KCTD19: variants seen among roughly 807,000 people sequenced by gnomAD.
The protein encoded by KCTD19 is BTB/POZ domain-containing protein KCTD19.
Under a neutral mutation model 103.5 loss-of-function variants are expected in KCTD19, and 67 were observed. The observed-to-expected ratio is 0.65, with a 90% CI of 0.53 to 0.79. The LOEUF is 0.79. KCTD19 is among the 30% of genes least tolerant of loss of function. KCTD19 has a pLI of 0.00. For synonymous variants in KCTD19, 439 were observed against 452.2 expected (o/e 0.97, Z 0.37); for missense variants, 980 against 1,136.1 (o/e 0.86, Z 1.98).
At chr16:67,295,495 A>G in intron 8 of KCTD19, 90 bp from the exon 9 acceptor site, 3 of 1,238,252 alleles carry the variant, frequency 2.4e-6, no homozygotes, top group Non-Finnish European at 2.3e-6. Context: ...TTTTCCAACT[A>G]CACTAGAGCA....
rs762910080 is a variant in KCTD19, at chr16:67,290,923, C to A, written c.2629G>T (p.Asp877Tyr). ...TACAGGCGCTCCTGGGTGTGCCGGT[C>A]ATCCTTGAAGCCGGTGATGGCCAGC... ...DLLAITGFKD[D>Y]RHTQERLYSW... Residue 877 changes from aspartate (D) to tyrosine (Y), a missense_variant, in exon 15 of 16, where the codon GAC becomes TAC. Physicochemically the swap from Asp to Tyr is radical, Grantham distance 160 (BLOSUM62 -3). Transcript: ENST00000304372. 5.5e-5 allele frequency: 88 copies of A among 1,613,970 alleles called. No individual in the cohort carries two copies. Among genetic ancestry groups the A allele is most frequent in the Non-Finnish European group, 7.4e-5 (87 of 1,180,022 alleles).
intron 2 of KCTD19, among the ~76,000 whole-genome samples, chr16:67,308,131 C>T (rs529875579): frequency 3.0e-4 from 45 of 150,518 alleles, no homozygotes; most frequent in Admixed American, 1.8e-3. Flanking sequence ...TCCTTCCTCC[C>T]TCCCTCCCAT....
Position 67,289,595 on chromosome 16 carries a change from G to T in KCTD19, c.2755C>A (p.Leu919Met), listed in dbSNP as rs2036645923. ...GLSRSVSYSILGKYLQED is the reference protein window; with the variant it reads ...GLSRSVSYSIMGKYLQED Reference sequence around the variant, plus strand: ...TAGTCCTCTTGTAGGTACTTTCCCAGGATGGAGTAAGAGACAGACCTAGAC... The same window carrying T: ...TAGTCCTCTTGTAGGTACTTTCCCATGATGGAGTAAGAGACAGACCTAGAC... The change falls in exon 16 of 16, where the codon CTG becomes ATG. Residue 919 changes from leucine (L) to methionine (M), a missense_variant. By Grantham distance (15) the Leu-to-Met change is conservative (BLOSUM62 2). Transcript: ENST00000304372. 2 of 1,613,480 alleles carry T rather than the reference G, an allele frequency of 1.2e-6. No individual in the cohort carries two copies. Among genetic ancestry groups the T allele is most frequent in the African/African-American group, 2.7e-5 (2 of 74,922 alleles).
At chr16:67,315,344 T>G (rs1210898772) in intron 2 of KCTD19, among the ~76,000 whole-genome samples, 4 of 151,676 alleles carry the variant, frequency 2.6e-5, no homozygotes, top group African/African-American at 9.7e-5. Flanking sequence ...CTCACTCTGT[T>G]GCCCAGGCTG....
At chr16:67,314,256 C>T (rs995276897) in intron 2 of KCTD19, among the ~76,000 whole-genome samples, 5 of 150,652 alleles carry the variant, frequency 3.3e-5, no homozygotes, top group African/African-American at 1.2e-4. Context: ...CCCTCTCTTC[C>T]CTTCCCTTCC....
intron 8 of KCTD19, chr16:67,295,739 G>A (rs2036757485): frequency 3.0e-6 from 1 of 338,702 alleles, no homozygotes; most frequent in African/African-American, 2.1e-5. Context: ...CGGTCCACTT[G>A]TGCTCTGTTT....
At chr16:67,298,509 C>T (rs2142506242) in intron 6 of KCTD19, among the ~76,000 whole-genome samples, 1 of 152,262 alleles carries the variant, frequency 6.6e-6, no homozygotes, top group East Asian at 1.9e-4. Flanking sequence ...ATCTCAGTCA[C>T]TGTGTTGCAG....
intron 2 of KCTD19, among the ~76,000 whole-genome samples, chr16:67,307,832 T>C (rs1277337256): frequency 6.6e-6 from 1 of 152,194 alleles, no homozygotes; most frequent in Non-Finnish European, 1.5e-5. Context: ...AAATACACAA[T>C]ATATTATTAT....
chr16:67,294,459 A>C, intron 11 of KCTD19, 121 bp downstream of exon 11: 2 of 737,872 alleles, frequency 2.7e-6, no homozygotes, highest in Non-Finnish European at 4.6e-6. Flanking sequence ...CTAGGAACCC[A>C]TGTAGGCTCT....
intron 10 of KCTD19, 77 bp from the exon 11 acceptor site, chr16:67,294,771 T>C (rs2036745446): frequency 8.8e-7 from 1 of 1,141,558 alleles, no homozygotes; most frequent in Non-Finnish European, 1.3e-6. Context: ...GATCTGCTCT[T>C]TGGCTGGGAG....
At chr16:67,298,740 AC>A (rs1270921705) in intron 6 of KCTD19, among the ~76,000 whole-genome samples, 2 of 152,214 alleles carry the variant, frequency 1.3e-5, no homozygotes, top group Non-Finnish European at 2.9e-5. Context: ...ACCCACTTCT[AC>A]CTTCCATTTT....
chr16:67,303,037 G>A lies in KCTD19; in HGVS notation c.643+109C>T. The A allele has an allele frequency of 9.6e-7, 1 of 1,039,260 alleles. No homozygotes were observed. The highest frequency in any genetic ancestry group is 1.4e-6 in the Non-Finnish European group (1 of 703,046). The allele number at this position is 1,039,260 out of a possible 1,614,324, so 64.4% of individuals were successfully genotyped here. ...GCTTCCGCTACCTCTGCCCAGGGAA[G>A]CTCCTGAGGCCCTGAGCACCAAGCT... On this transcript the variant is annotated intron_variant, in intron 4 of 15. Coordinates refer to ENST00000304372, the MANE Select transcript of KCTD19 (RefSeq NM_001100915.3). The surrounding 1 kb of genome is among the most constrained non-coding windows in gnomAD (Gnocchi z 4.3).
rs1221683449 is a variant in KCTD19, at chr16:67,295,002, TGA to T, written c.1444_1445del (p.Ser482ArgfsTer7). ...EVEEYHIPSL[S>X]EALAQCEAYK... ...ATGCTTCACATTGTGCAAGGGCTTC[TGA>T]GAGGGATGGAATGTGGTATTCCTCC... On this transcript the variant is annotated frameshift_variant, in exon 10 of 16. Transcript: ENST00000304372. LOFTEE classifies it high-confidence loss of function. 9 of 1,613,982 alleles carry T rather than the reference TGA, an allele frequency of 5.6e-6. No homozygotes were observed. Among genetic ancestry groups the T allele is most frequent in the Non-Finnish European group, 7.6e-6 (9 of 1,179,830 alleles).
rs74507704 is a variant in KCTD19, at chr16:67,323,891, C to CAA, written c.3+2812_3+2813dup. ...TGTGAATTATATCTCAATAGATCTA[C>CAA]AAAAAAAAAAAAAGATGAGGTACTG... On this transcript the variant is annotated intron_variant, in intron 1 of 15. Coordinates refer to ENST00000304372, the MANE Select transcript of KCTD19 (RefSeq NM_001100915.3). This position sits in a 1 kb window ranked among gnomAD's most constrained non-coding sequence, Gnocchi z 4.1. 6.3e-5 allele frequency among the ~76,000 whole-genome samples: 8 copies of CAA among 126,028 alleles called. No homozygotes were observed. Among genetic ancestry groups the CAA allele is most frequent in the Non-Finnish European group, 1.0e-4 (6 of 58,346 alleles). 82.7% of individuals were successfully genotyped at this position (126,028 alleles called of 152,430 possible).
In KCTD19 at chr16:67,289,568, C is replaced by G. The variant is rs2036644919; in HGVS notation, c.*1G>C. 2 of 1,601,588 alleles carry G rather than the reference C, an allele frequency of 1.2e-6. No homozygotes were observed. Among genetic ancestry groups the G allele is most frequent in the Admixed American group, 1.7e-5 (1 of 59,964 alleles). On this transcript the variant is annotated 3_prime_UTR_variant, in exon 16 of 16. Transcript: ENST00000304372. ...CATGAGGGGCTGCATCTCTGGGCAC[C>G]CTAGTCCTCTTGTAGGTACTTTCCC...
chr16:67,297,870 A>G (rs561101908), intron 6 of KCTD19, among the ~76,000 whole-genome samples: 1 of 152,268 alleles, frequency 6.6e-6, no homozygotes, highest in East Asian at 1.9e-4. Flanking sequence ...GGCTCACTGC[A>G]ACCTTTGCCT....
rs373975193 is a variant in KCTD19, at chr16:67,294,025, G to A, written c.1737C>T (p.Ala579=). The change falls in exon 12 of 16, where the codon GCC becomes GCT. Residue 579 remains alanine (A), a synonymous_variant. Transcript: ENST00000304372. ...ATGTGCTAGGGTTGCCAGCCCTCTT[G>A]GCATTTCGGCATAGGGACACCTGGA... ...RPIQVSLCRN[A]KRAGNPSTYS... The A allele has an allele frequency of 1.2e-6, 2 of 1,614,056 alleles. No homozygotes were observed. Among genetic ancestry groups the A allele is most frequent in the Admixed American group, 1.7e-5 (1 of 60,002 alleles).
At chr16:67,301,636 G>A (rs1047752025) in intron 5 of KCTD19, among the ~76,000 whole-genome samples, 155 bp downstream of exon 5, 1 of 152,144 alleles carries the variant, frequency 6.6e-6, no homozygotes, top group Non-Finnish European at 1.5e-5. Context: ...GTTTCAGGCT[G>A]TGAATCCTCT....
chr16:67,299,528 C>T lies in KCTD19; in HGVS notation c.821G>A (p.Gly274Glu). 1 of 1,614,052 alleles carries T rather than the reference C, an allele frequency of 6.2e-7. No homozygotes were observed. The highest frequency in any genetic ancestry group is 1.1e-5 in the South Asian group (1 of 91,082). The stretch of plus-strand genomic sequence containing the variant: ...GGACTCCAGGCTGGCTGTGCGGGCC[C>T]CCTTCCCGGGGCTCAGGGGAGAACA... ...TTCSPLSPGK[G>E]ARTASLESVK... Residue 274 changes from glycine to glutamate, a missense_variant, in exon 6 of 16, where the codon GGG (glycine) becomes GAG (glutamate). Transcript: ENST00000304372.
Sources: allele counts gnomAD v4.1 joint callset (sites outside exome capture counted in the v4.1 genomes callset), GRCh38; gene constraint gnomAD v4.1.1; non-coding constraint Gnocchi (gnomAD v3.1); transcripts MANE v1.5; gene names NCBI Gene and HGNC (gene_info 2026-07-23, HGNC 2026-07-21).